Variants in STAB2 observed in about 807,000 individuals in gnomAD.
The protein encoded by STAB2 is stabilin 2.
STAB2 carries 288 observed loss-of-function variants against 338.1 expected under a neutral mutation model. That is an observed-to-expected ratio of 0.85 (90% CI 0.77 to 0.94). The LOEUF is 0.94. Among genes scored for constraint, STAB2 ranks in the 40% least tolerant of loss-of-function variants. The pLI is 0.00. For missense variants in STAB2, 3,141 were observed against 3,210.1 expected (o/e 0.98, Z 0.52); for synonymous variants, 1,202 against 1,193.3 (o/e 1.01, Z -0.15).
rs143880101 is a variant in STAB2 at position 103,653,958 on chromosome 12, G to GTGGATGGA, written c.1408-577_1408-570dup. Among the ~76,000 whole-genome samples, 463 of 142,680 alleles carry GTGGATGGA rather than the reference G, an allele frequency of 3.2e-3. 5 individuals are homozygous for GTGGATGGA. The highest frequency in any genetic ancestry group is 1.0e-2 in the African/African-American group (379 of 38,052). The allele number at this position is 142,680 out of a possible 152,430, so 93.6% of individuals were successfully genotyped here. On this transcript the variant is annotated intron_variant, in intron 12 of 68. Transcript: ENST00000388887. ...AGATGCATGGAGGATGCATGGATAG[G>GTGGATGGA]TGGATGGATGGATGGATGGATGGAT...
intron 65 of STAB2, among the ~76,000 whole-genome samples, chr12:103,759,855 G>T (rs12229292): frequency 0.23 from 35,546 of 152,162 alleles, 4,625 homozygotes; most frequent in South Asian, 0.43. Flanking sequence ...AATCTTTTAT[G>T]TGAATCAAGG....
chr12:103,712,390 C>G lies in STAB2; in HGVS notation c.4358C>G (p.Thr1453Arg). ...SANCLTNSDG[T>R]ASCKCAAGFQ... ...AGCTGCCTCACCAACTCAGATGGTA[C>G]AGCTTCATGCAAGTGTGCAGCAGGA... The change falls in exon 41 of 69, where the codon ACA becomes AGA. Residue 1453 changes from threonine (T) to arginine (R), a missense_variant. Thr to Arg is a moderately conservative substitution (Grantham distance 71). Transcript: ENST00000388887. The G allele has an allele frequency of 6.2e-7, 1 of 1,614,060 alleles. No individual in the cohort carries two copies. The highest frequency in any genetic ancestry group is 8.5e-7 in the Non-Finnish European group (1 of 1,179,962).
At chr12:103,651,733 G>A (rs1307745391) in intron 11 of STAB2, among the ~76,000 whole-genome samples, 1 of 152,054 alleles carries the variant, frequency 6.6e-6, no homozygotes, top group South Asian at 2.1e-4. Flanking sequence ...AATGATGGAA[G>A]CCAATAAAAG....
intron 37 of STAB2, 104 bp downstream of exon 37, chr12:103,705,831 C>A: frequency 1.9e-6 from 2 of 1,039,696 alleles, no homozygotes; most frequent in Non-Finnish European, 2.9e-6. Context: ...TTTCTGCCAT[C>A]TCCTCTTCCT....
intron 68 of STAB2, among the ~76,000 whole-genome samples, chr12:103,765,198 G>A (rs1167460505): frequency 6.6e-6 from 1 of 151,182 alleles, no homozygotes; most frequent in Non-Finnish European, 1.5e-5. Flanking sequence ...AGAAACAAAT[G>A]CATACATCCT....
chr12:103,710,432 G>T (rs960994414), intron 39 of STAB2, among the ~76,000 whole-genome samples: 1 of 152,168 alleles, frequency 6.6e-6, no homozygotes, highest in African/African-American at 2.4e-5. Flanking sequence ...ACTCCTTTGT[G>T]TGCAAACTCC....
intron 15 of STAB2, among the ~76,000 whole-genome samples, chr12:103,656,812 G>T (rs1176746029): frequency 1.3e-5 from 2 of 149,424 alleles, no homozygotes; most frequent in Admixed American, 6.7e-5. Flanking sequence ...TCAGCCTCCC[G>T]AGTAGCTGGG....
At chr12:103,709,438 T>G (rs563143613) in intron 39 of STAB2, among the ~76,000 whole-genome samples, 13 of 152,188 alleles carry the variant, frequency 8.5e-5, no homozygotes, top group Admixed American at 5.2e-4. Context: ...AATATGATCG[T>G]ATTTGGCACT....
intron 30 of STAB2, among the ~76,000 whole-genome samples, chr12:103,691,633 G>T (rs980451769): frequency 5.9e-5 from 9 of 152,130 alleles, no homozygotes; most frequent in Non-Finnish European, 1.2e-4. Flanking sequence ...ACCCATCTGG[G>T]CAGGCATATC....
chr12:103,696,377 A>G (rs540995622), intron 33 of STAB2, among the ~76,000 whole-genome samples: 1 of 152,198 alleles, frequency 6.6e-6, no homozygotes, highest in Non-Finnish European at 1.5e-5. Context: ...CTTGCCGTGC[A>G]AATCCAGCTT....
At chr12:103,623,649 A>G (rs761314475) in intron 5 of STAB2, among the ~76,000 whole-genome samples, 2 of 152,212 alleles carry the variant, frequency 1.3e-5, no homozygotes, top group Non-Finnish European at 2.9e-5. Flanking sequence ...CAACACTGCC[A>G]ACACCTTGAT....
In STAB2 at chr12:103,637,216, G is replaced by A. The variant is rs190632177; in HGVS notation, c.689G>A (p.Gly230Asp). ...LECKCLPNYR[G>D]DGKYCDPINP... ...TGCAAATGCCTTCCCAATTACCGAG[G>A]CGATGGCAAATACTGCGACCGTGAG... Residue 230 changes from glycine (G) to aspartate (D), a missense_variant, in exon 7 of 69, where the codon GGC (glycine) becomes GAC (aspartate). Physicochemically the swap from Gly to Asp is moderately conservative, Grantham distance 94. Coordinates refer to ENST00000388887, the MANE Select transcript of STAB2 (RefSeq NM_017564.10). 63 of 1,611,864 alleles carry A rather than the reference G, an allele frequency of 3.9e-5. No individual in the cohort carries two copies. The South Asian group carries it at 4.0e-4, about 10-fold the overall frequency.
At chr12:103,618,908 G>A (rs539566045) in intron 3 of STAB2, among the ~76,000 whole-genome samples, 6 of 152,184 alleles carry the variant, frequency 3.9e-5, no homozygotes, top group Admixed American at 1.3e-4. Context: ...TCATGGGGGC[G>A]GGCCTTTCCC....
chr12:103,725,867 G>C (rs1881158783), intron 45 of STAB2, among the ~76,000 whole-genome samples: 1 of 152,140 alleles, frequency 6.6e-6, no homozygotes, highest in Non-Finnish European at 1.5e-5. Context: ...TTAAAGTTCA[G>C]ATACTTCTGG....
intron 45 of STAB2, 82 bp from the exon 46 acceptor site, chr12:103,726,034 C>T (rs1269713091): frequency 6.8e-7 from 1 of 1,475,436 alleles, no homozygotes; most frequent in Non-Finnish European, 9.4e-7. Flanking sequence ...GAAGGGATGG[C>T]AGAGAAATCA....
At chr12:103,668,237 G>T (rs1307921235) in intron 19 of STAB2, among the ~76,000 whole-genome samples, 3 of 152,216 alleles carry the variant, frequency 2.0e-5, no homozygotes, top group African/African-American at 7.2e-5. Flanking sequence ...ATTTTGTTTG[G>T]CAAACCTTTC....
intron 19 of STAB2, among the ~76,000 whole-genome samples, chr12:103,666,905 A>T (rs921027550): frequency 2.6e-5 from 4 of 152,272 alleles, no homozygotes; most frequent in African/African-American, 4.8e-5. Context: ...TTCCAGAGGC[A>T]TGAGGATGAA....
At chr12:103,656,350 G>C (rs1363049907) in intron 15 of STAB2, among the ~76,000 whole-genome samples, 1 of 152,228 alleles carries the variant, frequency 6.6e-6, no homozygotes, top group Non-Finnish European at 1.5e-5. Context: ...TATATAGAAT[G>C]TGGAGAGAAG....
chr12:103,588,760 G>C (rs1351634642), intron 1 of STAB2, among the ~76,000 whole-genome samples: 1 of 152,078 alleles, frequency 6.6e-6, no homozygotes, highest in African/African-American at 2.4e-5. Context: ...ATCCAAATGT[G>C]AAACCCTCAT....
Sources: gnomAD v4.1 joint callset for allele counts (sites outside exome capture counted in the v4.1 genomes callset) on GRCh38, gnomAD v4.1.1 for gene constraint, MANE v1.5 for transcripts, NCBI Gene and HGNC (gene_info 2026-07-23, HGNC 2026-07-21) for gene names.